Variants in TUSC3 observed in about 807,000 individuals in gnomAD.
TUSC3 encodes the protein tumor suppressor candidate 3, also known as dolichyl-diphosphooligosaccharide--protein glycosyltransferase subunit TUSC3.
TUSC3 carries 45 observed loss-of-function variants against 44.8 expected under a neutral mutation model. The observed-to-expected ratio is 1.00, with a 90% CI of 0.79 to 1.29. The LOEUF is 1.29. Among genes scored for constraint, TUSC3 ranks in the 50% most tolerant of loss-of-function variants. The probability of loss-of-function intolerance (pLI) is 0.00; values close to 1 mark genes in which losing one functional copy is unlikely to be tolerated. For missense variants in TUSC3, 519 were observed against 437.9 expected (o/e 1.19, Z -1.65); for synonymous variants, 212 against 152.9 (o/e 1.39, Z -2.85).
chr8:15,537,535 TGTCATCAACCTAA>T (rs1801541533), upstream of TUSC3, among the ~76,000 whole-genome samples: 1 of 152,228 alleles, frequency 6.6e-6, no homozygotes. Context: ...GTTTGACTCT[TGTCATCAACCTAA>T]GTCAGGGAAG....
intron 1 of TUSC3, among the ~76,000 whole-genome samples, chr8:15,448,826 C>A (rs561136669): frequency 1.8e-4 from 28 of 152,226 alleles, no homozygotes; most frequent in Non-Finnish European, 3.7e-4. Context: ...GCATTTTGGT[C>A]AACAGACTCT....
the TUSC3 span, among the ~76,000 whole-genome samples, chr8:15,787,493 T>G: frequency 6.6e-6 from 1 of 152,196 alleles, no homozygotes; most frequent in Admixed American, 6.5e-5. Context: ...AAAAAATTTG[T>G]CAGGAAAATA....
chr8:15,635,901 C>T (rs1427898310), intron 2 of TUSC3, among the ~76,000 whole-genome samples: 2 of 152,052 alleles, frequency 1.3e-5, no homozygotes, highest in African/African-American at 2.4e-5. Context: ...TCACTGTGGG[C>T]GACTACGTTA....
upstream of TUSC3, among the ~76,000 whole-genome samples, chr8:15,536,578 A>T (rs998339353): frequency 2.0e-5 from 3 of 149,902 alleles, no homozygotes; most frequent in Admixed American, 2.0e-4. Context: ...GCTACTCGGG[A>T]GGCTGAGGCA....
chr8:15,831,093 A>G, the TUSC3 span, among the ~76,000 whole-genome samples: 7 of 152,242 alleles, frequency 4.6e-5, no homozygotes, highest in African/African-American at 1.7e-4. Context: ...AACCCAGCAC[A>G]TTGTATTCCT....
chr8:15,842,172 A>C, the TUSC3 span, among the ~76,000 whole-genome samples: 1 of 152,160 alleles, frequency 6.6e-6, no homozygotes, highest in Admixed American at 6.5e-5. Flanking sequence ...TCAATGAACA[A>C]AACAGATAGA....
At chr8:15,727,970 C>G (rs1244909913) in intron 6 of TUSC3, among the ~76,000 whole-genome samples, 1 of 152,142 alleles carries the variant, frequency 6.6e-6, no homozygotes. Context: ...GTCTCTAAAG[C>G]CTTTCCTCTC....
At chr8:15,525,045 A>G (rs1276358001) in intron 2 of TUSC3, among the ~76,000 whole-genome samples, 2 of 152,238 alleles carry the variant, frequency 1.3e-5, no homozygotes, top group Admixed American at 1.3e-4. Flanking sequence ...TGTTGAGACT[A>G]ACTCTCAAGG....
At chr8:15,669,463 T>A (rs1807842757) in intron 5 of TUSC3, among the ~76,000 whole-genome samples, 1 of 151,770 alleles carries the variant, frequency 6.6e-6, no homozygotes, top group African/African-American at 2.4e-5. Flanking sequence ...GGCCAGTCTT[T>A]CTCATGGATA....
chr8:15,534,699 C>T (rs934450870), intron 2 of TUSC3, among the ~76,000 whole-genome samples: 6 of 150,748 alleles, frequency 4.0e-5, no homozygotes, highest in African/African-American at 1.5e-4. Context: ...TTTAATTGAG[C>T]AATGAACGAT....
At chr8:15,626,453 C>G (rs778712557) in intron 2 of TUSC3, among the ~76,000 whole-genome samples, 1 of 152,326 alleles carries the variant, frequency 6.6e-6, no homozygotes, top group South Asian at 2.1e-4. Flanking sequence ...CCTACCCTGC[C>G]GAGCATGGTT....
At chr8:15,752,043 A>G (rs192359467) in intron 9 of TUSC3, among the ~76,000 whole-genome samples, 309 of 152,290 alleles carry the variant, frequency 2.0e-3, no homozygotes, top group African/African-American at 6.6e-3. Flanking sequence ...GAGAAAATAC[A>G]TACATCCATG....
rs900532527 is a variant in TUSC3, at chr8:15,533,451, T to A, written n.189+49968T>A. The stretch of plus-strand genomic sequence containing the variant: ...AGTTCTGTCCTTTGTCTAATACCTG[T>A]GAAGATAGACTATCAATTTATATTG... On this transcript the variant is annotated intron_variant and non_coding_transcript_variant, in intron 2 of 5. Coordinates refer to the TUSC3 transcript ENST00000503191. Among the ~76,000 whole-genome samples the A allele has an allele frequency of 1.3e-5, 2 of 152,154 alleles. 1 individual carries two copies. Among genetic ancestry groups the A allele is most frequent in the Non-Finnish European group, 2.9e-5 (2 of 68,032 alleles).
chr8:15,429,895 T>G (rs1353173845), intron 1 of TUSC3, among the ~76,000 whole-genome samples: 1 of 151,630 alleles, frequency 6.6e-6, no homozygotes, highest in Non-Finnish European at 1.5e-5. Context: ...AATGGATAAA[T>G]TCCTGGACAC....
rs1812287613 is a variant in TUSC3, at chr8:15,764,969, C to T, written c.*813C>T. On this transcript the variant is annotated 3_prime_UTR_variant, in exon 11 of 11. Transcript: ENST00000503731. ...CCTAACCCACTATATCCATTTTGCTCATGTGTTTTATGCAACCAGCTTTCC... is the reference window on the plus strand; with the variant it reads ...CCTAACCCACTATATCCATTTTGCTTATGTGTTTTATGCAACCAGCTTTCC... 1 of 152,004 alleles carries T rather than the reference C, an allele frequency of 6.6e-6. No homozygotes were observed. The highest frequency in any genetic ancestry group is 2.1e-4 in the South Asian group (1 of 4,832). 9.4% of individuals were successfully genotyped at this position (152,004 alleles called of 1,614,324 possible). A position where few individuals can be genotyped will look rare whatever the true frequency, so the allele number is the denominator to read the frequency against.
At chr8:15,533,541 G>C (rs1585078653) in intron 2 of TUSC3, among the ~76,000 whole-genome samples, 1 of 152,218 alleles carries the variant, frequency 6.6e-6, no homozygotes, top group East Asian at 1.9e-4. Flanking sequence ...GAATTTCCCT[G>C]TGGACACCTT....
At chr8:15,717,527 TATTA>T (rs1810102991) in intron 6 of TUSC3, among the ~76,000 whole-genome samples, 1 of 152,144 alleles carries the variant, frequency 6.6e-6, no homozygotes. Flanking sequence ...TTCCATCCTC[TATTA>T]ATTTCCTTGT....
chr8:15,808,497 G>C, the TUSC3 span, among the ~76,000 whole-genome samples: 26 of 151,988 alleles, frequency 1.7e-4, no homozygotes, highest in African/African-American at 5.6e-4. Context: ...TATATCTCTT[G>C]TTGGCCAATT....
intron 1 of TUSC3, among the ~76,000 whole-genome samples, chr8:15,601,863 C>CGT (rs1443111233): frequency 1.3e-5 from 2 of 150,818 alleles, no homozygotes; most frequent in Non-Finnish European, 3.0e-5. Flanking sequence ...ATATTTGTAT[C>CGT]GTGTGTACAT....
Sources: allele counts gnomAD v4.1 joint callset (sites outside exome capture counted in the v4.1 genomes callset), GRCh38; gene constraint gnomAD v4.1.1; transcripts MANE v1.5; gene names NCBI Gene and HGNC (gene_info 2026-07-23, HGNC 2026-07-21).